MISP: variants seen among roughly 807,000 people sequenced by gnomAD.
MISP encodes mitotic spindle positioning, also known as mitotic interactor and substrate of PLK1.
MISP carries 51 observed loss-of-function variants against 49.3 expected under a neutral mutation model. The ratio of observed to expected loss-of-function variants is 1.03; its 90% CI spans 0.83 to 1.31. The LOEUF is 1.31. Ranked by LOEUF, MISP falls within the 50% of genes most tolerant of loss-of-function variation. The pLI is 0.00. For synonymous variants in MISP, 444 were observed against 392.6 expected, an observed-to-expected ratio of 1.13 and a Z score of -1.55; for missense variants, 1,084 against 935.1, an observed-to-expected ratio of 1.16 and a Z score of -2.08.
rs746085804 is a variant in MISP, at chr19:757,026, C to T, written c.80C>T (p.Thr27Ile). The change falls in exon 2 of 5, where the codon ACC (threonine) becomes ATC (isoleucine). Residue 27 changes from threonine to isoleucine, a missense_variant. Physicochemically the swap from Thr to Ile is moderately conservative, Grantham distance 89 (BLOSUM62 -1). Transcript: ENST00000215582. ...ACCGGCCTGGTGCTGGATGGAGACA[C>T]CAGCTACACATACCATCTGGTGTGC... ...RGTGLVLDGD[T>I]SYTYHLVCMG... 1.9e-6 allele frequency: 3 copies of T among 1,606,492 alleles called. No individual in the cohort carries two copies. In the South Asian group the frequency reaches 3.3e-5, roughly 18 times the overall value.
intron 3 of MISP, among the ~76,000 whole-genome samples, chr19:760,902 A>G (rs191877294): frequency 3.9e-5 from 6 of 152,088 alleles, no homozygotes; most frequent in Non-Finnish European, 8.8e-5. Context: ...TCCAGGACCT[A>G]CAGGCCACAG....
rs1398947480 is a variant in MISP at position 758,384 on chromosome 19, A to G, written c.1438A>G (p.Thr480Ala). ...LSESSGKPLS[T>A]KQEASKPPRG... ...AGAATCCTCTGGAAAACCCCTGAGCACAAAGCAAGAGGCATCGAAGCCCCC... is the reference window on the plus strand; with the variant it reads ...AGAATCCTCTGGAAAACCCCTGAGCGCAAAGCAAGAGGCATCGAAGCCCCC... The change falls in exon 2 of 5, where the codon ACA becomes GCA. Residue 480 changes from threonine (T) to alanine (A), a missense_variant. Thr to Ala is a moderately conservative substitution (Grantham distance 58). Coordinates refer to ENST00000215582, the MANE Select transcript of MISP (RefSeq NM_173481.4). 1 of 1,614,094 alleles carries G rather than the reference A, an allele frequency of 6.2e-7. No individual in the cohort carries two copies. The highest frequency in any genetic ancestry group is 1.3e-5 in the African/African-American group (1 of 74,954).
intron 4 of MISP, among the ~76,000 whole-genome samples, chr19:763,139 C>T (rs541918023): frequency 2.9e-4 from 44 of 152,222 alleles, no homozygotes; most frequent in African/African-American, 1.0e-3. Flanking sequence ...TAGCCAGGCG[C>T]CGTAGCGGGC....
intron 1 of MISP, among the ~76,000 whole-genome samples, chr19:755,605 G>C (rs910878080): frequency 9.9e-5 from 15 of 152,168 alleles, no homozygotes; most frequent in African/African-American, 3.6e-4. Context: ...AGGAGACACA[G>C]ATAAATATGG....
Position 758,715 on chromosome 19 carries a change from C to A in MISP, c.1769C>A (p.Ser590Tyr). 6.2e-7 allele frequency: 1 copy of A among 1,612,466 alleles called. No homozygotes were observed. Among genetic ancestry groups the A allele is most frequent in the Non-Finnish European group, 8.5e-7 (1 of 1,178,942 alleles). ...TCTGACCAGAACTCCAGGAGCTCCT[C>A]CCAGGCATCCGGTGAGAAGGGGCTC... Reference protein sequence around the residue: ...ENSDQNSRSSSQASGITGSYS... With the variant: ...ENSDQNSRSSYQASGITGSYS... The change falls in exon 2 of 5, where the codon TCC becomes TAC. Residue 590 changes from serine to tyrosine, a missense_variant. Physicochemically the swap from Ser to Tyr is moderately radical, Grantham distance 144. Transcript: ENST00000215582.
In MISP at chr19:758,733, A is replaced by AG; in HGVS notation, c.1780+11dup. On this transcript the variant is annotated splice_region_variant and intron_variant, in intron 2 of 4. Coordinates refer to ENST00000215582, the MANE Select transcript of MISP (RefSeq NM_173481.4). ...AGCTCCTCCCAGGCATCCGGTGAGA[A>AG]GGGGCTCCAGGGAGTGGCTGCTTGG... 6.2e-7 allele frequency: 1 copy of AG among 1,605,342 alleles called. No individual in the cohort carries two copies. Among genetic ancestry groups the AG allele is most frequent in the Non-Finnish European group, 8.5e-7 (1 of 1,174,586 alleles).
In MISP at chr19:761,605, C is replaced by T. The variant is rs1033835621; in HGVS notation, c.1912-20C>T. On this transcript the variant is annotated intron_variant, in intron 3 of 4. Coordinates refer to ENST00000215582, the MANE Select transcript of MISP (RefSeq NM_173481.4). Reference sequence around the variant, plus strand: ...GGCAGGGCAGAAAGGCCTGGGCTGACTTGTGTTCCTTTCCTGTAGTACGCT... The same window carrying T: ...GGCAGGGCAGAAAGGCCTGGGCTGATTTGTGTTCCTTTCCTGTAGTACGCT... 6.2e-7 allele frequency: 1 copy of T among 1,613,858 alleles called. No individual in the cohort carries two copies. The highest frequency in any genetic ancestry group is 1.3e-5 in the African/African-American group (1 of 74,882).
At chr19:762,499 C>A (rs560572231) in intron 4 of MISP, among the ~76,000 whole-genome samples, 1 of 151,974 alleles carries the variant, frequency 6.6e-6, no homozygotes, top group Non-Finnish European at 1.5e-5. Flanking sequence ...GTAATCCTCC[C>A]GCCTCCACCT....
chr19:763,816 TG>T lies in MISP; in HGVS notation c.*230del. 1 of 535,782 alleles carries T rather than the reference TG, an allele frequency of 1.9e-6. No homozygotes were observed. The highest frequency in any genetic ancestry group is 3.3e-6 in the Non-Finnish European group (1 of 299,130). The allele number at this position is 535,782 out of a possible 1,614,324, so 33.2% of individuals were successfully genotyped here. On this transcript the variant is annotated 3_prime_UTR_variant, in exon 5 of 5. Coordinates refer to ENST00000215582, the MANE Select transcript of MISP (RefSeq NM_173481.4). ...TTCTGCCTTTGGGGTCTAAAGCTTTTGGGGATGAAATGGGACCCCTGCTGAT... is the reference window on the plus strand; with the variant it reads ...TTCTGCCTTTGGGGTCTAAAGCTTTTGGGATGAAATGGGACCCCTGCTGAT...
At chr19:754,620 C>G (rs529947804) in intron 1 of MISP, among the ~76,000 whole-genome samples, 202 of 152,338 alleles carry the variant, frequency 1.3e-3, no homozygotes, top group African/African-American at 4.5e-3. Flanking sequence ...CAGCGAGACT[C>G]TGTCTCAAAA....
upstream of MISP, among the ~76,000 whole-genome samples, chr19:750,583 C>G (rs12459842): frequency 6.6e-6 from 1 of 151,980 alleles, no homozygotes; most frequent in East Asian, 1.9e-4. Context: ...TGTTCCCCCA[C>G]GTCCCGGAGG....
At chr19:762,546 C>T (rs1407633152) in intron 4 of MISP, among the ~76,000 whole-genome samples, 2 of 152,230 alleles carry the variant, frequency 1.3e-5, no homozygotes, top group South Asian at 2.1e-4. Flanking sequence ...AGCCACCGCA[C>T]CCAGCCAAAG....
intron 4 of MISP, 41 bp downstream of exon 4, chr19:761,704 C>A: frequency 6.2e-7 from 1 of 1,611,856 alleles, no homozygotes; most frequent in Non-Finnish European, 8.5e-7. Flanking sequence ...GTCTTTCCCC[C>A]CCACATCTGT....
At chr19:751,773 G>A (rs2033463551) in intron 1 of MISP, among the ~76,000 whole-genome samples, 2 of 152,186 alleles carry the variant, frequency 1.3e-5, no homozygotes, top group African/African-American at 4.8e-5. Flanking sequence ...GCGTCTGCCG[G>A]TGGAGCTCCG....
chr19:757,259 G>A lies in MISP; in HGVS notation c.313G>A (p.Gly105Arg), dbSNP rs373938963. ...CCTGGGCGCCAGGGATGCCCACCAG[G>A]GACGTCCAACATGGGCACTCCGCCC... is the stretch of plus-strand genomic sequence containing the variant. The part of the protein sequence containing the change: ...YRLGARDAHQ[G>R]RPTWALRPED... The change falls in exon 2 of 5, where the codon GGA becomes AGA. Residue 105 changes from glycine to arginine, a missense_variant. Gly to Arg is a moderately radical substitution (Grantham distance 125, BLOSUM62 -2). Coordinates refer to ENST00000215582, the MANE Select transcript of MISP (RefSeq NM_173481.4). 5.6e-5 allele frequency: 90 copies of A among 1,613,846 alleles called. No individual in the cohort carries two copies. Among genetic ancestry groups the A allele is most frequent in the Admixed American group, 2.3e-4 (14 of 60,006 alleles).
At chr19:755,584 G>T (rs183387633) in intron 1 of MISP, among the ~76,000 whole-genome samples, 2 of 152,298 alleles carry the variant, frequency 1.3e-5, no homozygotes, top group African/African-American at 4.8e-5. Flanking sequence ...GGGTGGAAAG[G>T]CTCAGTGCAC....
In MISP at chr19:757,518, T is replaced by C; in HGVS notation, c.572T>C (p.Ile191Thr). The change falls in exon 2 of 5, where the codon ATT (isoleucine) becomes ACT (threonine). Residue 191 changes from isoleucine to threonine, a missense_variant. Ile to Thr is a moderately conservative substitution (Grantham distance 89, BLOSUM62 -1). Coordinates refer to ENST00000215582, the MANE Select transcript of MISP (RefSeq NM_173481.4). ...LEENVVDREQ[I>T]DFLAARQQFL... Reference sequence around the variant, plus strand: ...GAGAACGTGGTTGACAGGGAGCAGATTGACTTCCTGGCAGCGAGACAGCAG... The same window carrying C: ...GAGAACGTGGTTGACAGGGAGCAGACTGACTTCCTGGCAGCGAGACAGCAG... 1.2e-6 allele frequency: 2 copies of C among 1,609,026 alleles called. No individual in the cohort carries two copies. Among genetic ancestry groups the C allele is most frequent in the Non-Finnish European group, 1.7e-6 (2 of 1,178,244 alleles).
rs2033579503 is a variant in MISP at position 757,613 on chromosome 19, A to G, written c.667A>G (p.Thr223Ala). 1 of 1,612,612 alleles carries G rather than the reference A, an allele frequency of 6.2e-7. No individual in the cohort carries two copies. The highest frequency in any genetic ancestry group is 1.7e-5 in the Admixed American group (1 of 59,804). ...SSPARGTPAG[T>A]TPGASQAPKA... ...CCCGGCCAGGGGGACCCCTGCAGGC[A>G]CAACCCCAGGGGCCAGCCAGGCCCC... The change falls in exon 2 of 5, where the codon ACA becomes GCA. Residue 223 changes from threonine (T) to alanine (A), a missense_variant. Coordinates refer to ENST00000215582, the MANE Select transcript of MISP (RefSeq NM_173481.4).
At chr19:760,271 C>A in intron 3 of MISP, 1 of 454,818 alleles carries the variant, frequency 2.2e-6, no homozygotes, top group East Asian at 4.1e-5. Flanking sequence ...TTGTCCCCAT[C>A]AGGAGGTCAT....
Sources: allele counts gnomAD v4.1 joint callset (sites outside exome capture counted in the v4.1 genomes callset), GRCh38; gene constraint gnomAD v4.1.1; transcripts MANE v1.5; gene names NCBI Gene and HGNC (gene_info 2026-07-23, HGNC 2026-07-21).